The following EVI5 variants were observed in gnomAD, a reference collection of about 807,000 sequenced individuals.
EVI5 encodes the protein ecotropic viral integration site 5 protein homolog.
Under a neutral mutation model 112.0 loss-of-function variants are expected in EVI5, and 73 were observed. The observed-to-expected ratio is 0.65, with a 90% CI of 0.54 to 0.79. The LOEUF (loss-of-function observed/expected upper bound fraction) is 0.79. Ranked by LOEUF, EVI5 falls within the 30% of genes least tolerant of loss-of-function variation. EVI5 has a pLI of 0.00. For missense variants in EVI5, 900 were observed against 968.8 expected, an observed-to-expected ratio of 0.93 and a Z score of 0.94; for synonymous variants, 305 against 319.9, an observed-to-expected ratio of 0.95 and a Z score of 0.50.
At chr1:92,592,546 A>G (rs1475453367) in intron 18 of EVI5, among the ~76,000 whole-genome samples, 3 of 152,348 alleles carry the variant, frequency 2.0e-5, no homozygotes, top group East Asian at 3.9e-4. Context: ...AAAAACTAGC[A>G]GAAGGCAAGA....
At chr1:92,790,332 C>CAGTTTCATAGTCACACTCACATAGTTCA (rs1685997225) in intron 1 of EVI5, among the ~76,000 whole-genome samples, 1 of 151,916 alleles carries the variant, frequency 6.6e-6, no homozygotes, top group Admixed American at 6.6e-5. Context: ...CTTAAAAGTT[C>CAGTTTCATAGTCACACTCACATAGTTCA]AGTTTCATAG....
At chr1:92,674,759 A>T (rs538065984) in intron 10 of EVI5, among the ~76,000 whole-genome samples, 1 of 152,282 alleles carries the variant, frequency 6.6e-6, no homozygotes, top group African/African-American at 2.4e-5. Context: ...AAGTATAGTC[A>T]TTCAAAAGTT....
chr1:92,531,504 A>T (rs1462684359), intron 19 of EVI5, among the ~76,000 whole-genome samples: 2 of 152,238 alleles, frequency 1.3e-5, no homozygotes, highest in African/African-American at 4.8e-5. Flanking sequence ...ACCAAGGTTG[A>T]AATGAAGGAA....
chr1:92,562,620 T>C (rs554985214), intron 19 of EVI5, among the ~76,000 whole-genome samples: 1 of 152,324 alleles, frequency 6.6e-6, no homozygotes, highest in East Asian at 1.9e-4. Flanking sequence ...TGAAAATTGA[T>C]ATTTACAGGA....
intron 19 of EVI5, among the ~76,000 whole-genome samples, chr1:92,517,885 CTTTTTTTTTT>C (rs35504849): frequency 1.1e-4 from 11 of 102,250 alleles, no homozygotes; most frequent in Non-Finnish European, 2.1e-4. Flanking sequence ...ATATTATATG[CTTTTTTTTTT>C]TTTTTTTTTT....
At chr1:92,723,427 C>T (rs1675060927) in intron 2 of EVI5, among the ~76,000 whole-genome samples, 1 of 152,148 alleles carries the variant, frequency 6.6e-6, no homozygotes, top group Non-Finnish European at 1.5e-5. Flanking sequence ...TTTATCAGTT[C>T]CCAAAATTAA....
chr1:92,673,623 C>T lies in EVI5; in HGVS notation c.1158+3535G>A, dbSNP rs114279097. Among the ~76,000 whole-genome samples the T allele has an allele frequency of 2.3e-3, 357 of 152,190 alleles. 1 individual carries two copies. Among genetic ancestry groups the T allele is most frequent in the African/African-American group, 7.6e-3 (314 of 41,510 alleles). On this transcript the variant is annotated intron_variant, in intron 10 of 19. Transcript: ENST00000684568. ...CTGGGATTATAGGCGTGAGCCACCG[C>T]GCCCGGCCAAACTAGAATTTTAATA...
chr1:92,521,791 T>A (rs1571291849), intron 19 of EVI5, among the ~76,000 whole-genome samples: 1 of 152,214 alleles, frequency 6.6e-6, no homozygotes, highest in Non-Finnish European at 1.5e-5. Context: ...GAGGGCATTT[T>A]AAAAGCTTAA....
intron 19 of EVI5, among the ~76,000 whole-genome samples, chr1:92,521,649 G>A (rs1400596568): frequency 6.7e-6 from 1 of 150,318 alleles, no homozygotes; most frequent in East Asian, 2.0e-4. Flanking sequence ...CTGAGATTGC[G>A]CTACCTCACT....
chr1:92,599,781 A>T (rs1260789643), intron 18 of EVI5, among the ~76,000 whole-genome samples: 1 of 152,224 alleles, frequency 6.6e-6, no homozygotes, highest in Non-Finnish European at 1.5e-5. Context: ...CAGGAATAGG[A>T]TAATTCACAG....
intron 18 of EVI5, among the ~76,000 whole-genome samples, chr1:92,581,266 T>C (rs1321714261): frequency 2.0e-5 from 3 of 152,228 alleles, no homozygotes; most frequent in African/African-American, 7.2e-5. Context: ...CTTCTTACTC[T>C]TCTGAGATTT....
At chr1:92,585,056 T>C (rs902850095) in intron 18 of EVI5, among the ~76,000 whole-genome samples, 3 of 151,866 alleles carry the variant, frequency 2.0e-5, no homozygotes, top group Non-Finnish European at 4.4e-5. Flanking sequence ...AAACCCCATC[T>C]CTATTGAAAA....
intron 13 of EVI5, among the ~76,000 whole-genome samples, chr1:92,638,802 C>T (rs1415630700): frequency 2.6e-5 from 4 of 152,008 alleles, no homozygotes; most frequent in Non-Finnish European, 5.9e-5. Flanking sequence ...AGCCCATGTT[C>T]CTCACCTTTA....
At chr1:92,781,947 T>G (rs1301136504) in intron 1 of EVI5, among the ~76,000 whole-genome samples, 5 of 91,288 alleles carry the variant, frequency 5.5e-5, no homozygotes. Flanking sequence ...AGAGTGAGAT[T>G]CTGTCTCAAA....
chr1:92,734,145 T>G (rs1053428283), intron 2 of EVI5, among the ~76,000 whole-genome samples: 1 of 152,226 alleles, frequency 6.6e-6, no homozygotes, highest in African/African-American at 2.4e-5. Context: ...CAGATCATAT[T>G]CATTCAATCT....
intron 19 of EVI5, among the ~76,000 whole-genome samples, chr1:92,528,033 A>G (rs1461435708): frequency 1.3e-5 from 2 of 152,214 alleles, no homozygotes; most frequent in Admixed American, 6.5e-5. Flanking sequence ...TTTTCCACAG[A>G]GTTTGTAATA....
At chr1:92,586,217 G>A (rs1672751016) in intron 18 of EVI5, among the ~76,000 whole-genome samples, 1 of 152,114 alleles carries the variant, frequency 6.6e-6, no homozygotes, top group Non-Finnish European at 1.5e-5. Context: ...CCACTGTAAA[G>A]TTACTCTTTT....
chr1:92,764,270 C>T (rs897356393), intron 1 of EVI5, among the ~76,000 whole-genome samples: 14 of 152,152 alleles, frequency 9.2e-5, no homozygotes, highest in African/African-American at 3.1e-4. Flanking sequence ...ATTTTTGCAA[C>T]AGTTCAAAAC....
intron 1 of EVI5, among the ~76,000 whole-genome samples, chr1:92,774,710 G>C (rs1474489995): frequency 6.6e-6 from 1 of 152,146 alleles, no homozygotes; most frequent in African/African-American, 2.4e-5. Context: ...TAACTTTAGG[G>C]AACACTTTTC....
Sources: gnomAD v4.1 joint callset for allele counts (sites outside exome capture counted in the v4.1 genomes callset) on GRCh38, gnomAD v4.1.1 for gene constraint, MANE v1.5 for transcripts, NCBI Gene and HGNC (gene_info 2026-07-23, HGNC 2026-07-21) for gene names.